Variants in HMCN1 observed in about 807,000 individuals in gnomAD.
The protein encoded by HMCN1 is hemicentin-1.
A neutral mutation model predicts 625.9 loss-of-function variants in HMCN1; 321 were observed. That is an observed-to-expected ratio of 0.51 (90% confidence interval 0.47 to 0.56). The LOEUF is 0.56. HMCN1 is among the 20% of genes least tolerant of loss of function. The pLI, the probability that HMCN1 is intolerant of heterozygous loss-of-function variation, is 0.00. For missense variants in HMCN1, 6,588 were observed against 6,887.3 expected (o/e 0.96, Z 1.54); for synonymous variants, 2,425 against 2,417.6 (o/e 1.00, Z -0.09).
chr1:186,051,762 C>A (rs1017550061), intron 42 of HMCN1, among the ~76,000 whole-genome samples: 1 of 151,858 alleles, frequency 6.6e-6, no homozygotes, highest in African/African-American at 2.4e-5. Flanking sequence ...GTAGAGAAGT[C>A]GGTAAACAGA....
chr1:185,748,308 C>G (rs1365963004), intron 1 of HMCN1, among the ~76,000 whole-genome samples: 2 of 152,060 alleles, frequency 1.3e-5, no homozygotes, highest in Non-Finnish European at 2.9e-5. Context: ...TCACCACCTC[C>G]TTGATCAGAT....
intron 103 of HMCN1, among the ~76,000 whole-genome samples, chr1:186,175,705 C>T (rs570478898): frequency 1.3e-5 from 2 of 151,906 alleles, no homozygotes; most frequent in Non-Finnish European, 2.9e-5. Context: ...AGGAAGAATG[C>T]AGAACCATTG....
chr1:186,161,958 G>A (rs1280116299), intron 97 of HMCN1, among the ~76,000 whole-genome samples: 2 of 152,042 alleles, frequency 1.3e-5, no homozygotes, highest in African/African-American at 4.8e-5. Flanking sequence ...GAATCTGAAC[G>A]TTGGCCTGCC....
intron 2 of HMCN1, among the ~76,000 whole-genome samples, chr1:185,863,969 A>G (rs1663024255): frequency 6.6e-6 from 1 of 152,198 alleles, no homozygotes; most frequent in Admixed American, 6.5e-5. Flanking sequence ...ATTAGTTCCC[A>G]GGTGAGTAGT....
chr1:185,762,550 G>A (rs1324680888), intron 1 of HMCN1, among the ~76,000 whole-genome samples: 1 of 152,150 alleles, frequency 6.6e-6, no homozygotes, highest in East Asian at 1.9e-4. Context: ...AAGTAGTCAT[G>A]CCATCAGTCT....
Position 186,144,694 on chromosome 1 carries a change from C to T in HMCN1, c.14257C>T (p.Pro4753Ser), listed in dbSNP as rs1463052671. The T allele has an allele frequency of 3.1e-6, 5 of 1,614,036 alleles. No homozygotes were observed. The highest frequency in any genetic ancestry group is 1.7e-5 in the Admixed American group (1 of 60,004). Residue 4753 changes from proline to serine, a missense_variant, in exon 91 of 107, where the codon CCT (proline) becomes TCT (serine). Transcript: ENST00000271588. ...DVQSDFCNSD[P>S]CPTHGNWSPW... ...CCAGAGTGATTTTTGCAACAGTGAC[C>T]CTTGCCCAAGTGAGTGTTGGAAATA...
Position 186,069,664 on chromosome 1 carries a change from A to G in HMCN1, c.7881A>G (p.Gly2627=). The change falls in exon 51 of 107, where the codon GGA becomes GGG. Residue 2627 remains glycine, a splice_region_variant and synonymous_variant. Transcript: ENST00000271588. The part of the protein sequence containing the change: ...ESNRNIRILP[G]GRTLQILNAQ... ...CTTTGATGTCCCATGATTTTACAGGAGGCAGAACTCTGCAGATCCTCAATG... is the reference window on the plus strand; with the variant it reads ...CTTTGATGTCCCATGATTTTACAGGGGGCAGAACTCTGCAGATCCTCAATG... 1 of 1,605,828 alleles carries G rather than the reference A, an allele frequency of 6.2e-7. No homozygotes were observed. The highest frequency in any genetic ancestry group is 1.1e-5 in the South Asian group (1 of 89,898).
chr1:185,738,082 G>A (rs1437234742), intron 1 of HMCN1, among the ~76,000 whole-genome samples: 1 of 152,124 alleles, frequency 6.6e-6, no homozygotes, highest in African/African-American at 2.4e-5. Flanking sequence ...TGATGTTAAC[G>A]GTGGTTAAGA....
At chr1:185,928,440 T>C (rs1667383225) in intron 9 of HMCN1, 106 bp from the exon 10 acceptor site, 1 of 941,696 alleles carries the variant, frequency 1.1e-6, no homozygotes, top group African/African-American at 1.6e-5. Flanking sequence ...ATTTATTTTC[T>C]TTACATTGTT....
intron 52 of HMCN1, among the ~76,000 whole-genome samples, chr1:186,074,481 G>T (rs905759994): frequency 6.6e-6 from 1 of 151,902 alleles, no homozygotes; most frequent in African/African-American, 2.4e-5. Context: ...TCATAAAAAT[G>T]TATAAATGCA....
At chr1:186,022,296 GA>G (rs1226812213) in intron 35 of HMCN1, among the ~76,000 whole-genome samples, 1 of 151,926 alleles carries the variant, frequency 6.6e-6, no homozygotes, top group African/African-American at 2.4e-5. Flanking sequence ...AGCAGATTCT[GA>G]AAAGTAATCT....
intron 44 of HMCN1, 115 bp from the exon 45 acceptor site, chr1:186,055,278 G>T: frequency 2.1e-6 from 2 of 968,374 alleles, no homozygotes; most frequent in Non-Finnish European, 3.2e-6. Context: ...CTTTTCTTTA[G>T]TTATTTATAT....
chr1:185,989,772 A>C, intron 21 of HMCN1, 125 bp downstream of exon 21: 1 of 535,480 alleles, frequency 1.9e-6, no homozygotes. Flanking sequence ...CCAGATTTCT[A>C]TTTTTTTTTT....
intron 1 of HMCN1, among the ~76,000 whole-genome samples, chr1:185,813,366 C>G (rs144658461): frequency 6.6e-6 from 1 of 152,224 alleles, no homozygotes; most frequent in East Asian, 1.9e-4. Context: ...AGGTTGCAAA[C>G]TGTATTTGCT....
At chr1:185,785,097 ACTGCTTCTGG>A (rs1657469213) in intron 1 of HMCN1, among the ~76,000 whole-genome samples, 1 of 152,112 alleles carries the variant, frequency 6.6e-6, no homozygotes, top group Non-Finnish European at 1.5e-5. Flanking sequence ...GAACATTTTG[ACTGCTTCTGG>A]CTTTGGGAAT....
rs1178566330 is a variant in HMCN1 at position 186,093,177 on chromosome 1, A to G, written c.9931A>G (p.Thr3311Ala). Residue 3311 changes from threonine to alanine, a missense_variant, in exon 65 of 107, where the codon ACA becomes GCA. This residue lies in a region of HMCN1 where 4,628 missense variants were observed against 4,853.1 expected (regional missense o/e 0.95). Transcript: ENST00000271588. ...CACATTAAACATTTATGGAGCTCTT[A>G]CATCTGACACGGGGAAATACACATG... is the stretch of plus-strand genomic sequence containing the variant. Reference protein sequence around the residue: ...GSTLNIYGALTSDTGKYTCVA... With the variant: ...GSTLNIYGALASDTGKYTCVA... The G allele has an allele frequency of 5.0e-6, 8 of 1,613,236 alleles. No homozygotes were observed. The South Asian group carries it at 8.8e-5, about 18-fold the overall frequency.
chr1:185,892,142 G>T (rs1367356863), intron 4 of HMCN1, among the ~76,000 whole-genome samples: 1 of 148,822 alleles, frequency 6.7e-6, no homozygotes, highest in East Asian at 1.9e-4. Context: ...TAGTTCTCGA[G>T]CCTTGGTTTT....
intron 4 of HMCN1, among the ~76,000 whole-genome samples, chr1:185,904,364 T>A (rs938063361): frequency 1.3e-5 from 2 of 151,872 alleles, no homozygotes; most frequent in African/African-American, 4.8e-5. Flanking sequence ...GTTTTGGAAA[T>A]GTGGCAAATC....
At chr1:185,769,237 C>T (rs1421857973) in intron 1 of HMCN1, among the ~76,000 whole-genome samples, 1 of 151,914 alleles carries the variant, frequency 6.6e-6, no homozygotes, top group Non-Finnish European at 1.5e-5. Flanking sequence ...CACTGGAGCC[C>T]AGGAGCTTAA....
Sources: gnomAD v4.1 joint callset for allele counts (sites outside exome capture counted in the v4.1 genomes callset) on GRCh38, gnomAD v4.1.1 for gene constraint, gnomAD v4.1.1 regional missense constraint, MANE v1.5 for transcripts, NCBI Gene and HGNC (gene_info 2026-07-23, HGNC 2026-07-21) for gene names.